Variants in HEATR4 observed in about 807,000 individuals in gnomAD.
HEATR4 encodes the protein HEAT repeat containing 4.
HEATR4 carries 95 observed loss-of-function variants against 108.8 expected under a neutral mutation model. That is an observed-to-expected ratio of 0.87 (90% CI 0.74 to 1.04). The LOEUF is 1.04. Among genes scored for constraint, HEATR4 ranks in the 50% least tolerant of loss-of-function variants. The pLI is 0.00. For missense variants in HEATR4, 1,152 were observed against 1,253.8 expected, an observed-to-expected ratio of 0.92 and a Z score of 1.23; for synonymous variants, 443 against 459.4, an observed-to-expected ratio of 0.96 and a Z score of 0.46.
At chr14:73,619,846 A>C in the HEATR4 span, 8 of 1,581,180 alleles carry the variant, frequency 5.1e-6, no homozygotes, top group African/African-American at 9.5e-5. Flanking sequence ...ATAACATTGT[A>C]GCCACAGACC....
In HEATR4 at chr14:73,522,502, C is replaced by A; in HGVS notation, c.651G>T (p.Trp217Cys). ...LEKLNERTAR[W>C]IQSKRPRRPG... Reference sequence around the variant, plus strand: ...GCCTTCGAGGACGCTTGCTCTGGATCCATCGGGCTGTGCGCTCGTTCAGCT... The same window carrying A: ...GCCTTCGAGGACGCTTGCTCTGGATACATCGGGCTGTGCGCTCGTTCAGCT... The change falls in exon 3 of 18, where the codon TGG becomes TGT. Residue 217 changes from tryptophan to cysteine, a missense_variant. By Grantham distance (215) the Trp-to-Cys change is radical (BLOSUM62 -2). Transcript: ENST00000553558. The A allele has an allele frequency of 5.0e-6, 8 of 1,614,232 alleles. No homozygotes were observed. Among genetic ancestry groups the A allele is most frequent in the Non-Finnish European group, 6.8e-6 (8 of 1,180,032 alleles).
At chr14:73,484,183 TAAA>T (rs1434555844) in intron 17 of HEATR4, among the ~76,000 whole-genome samples, 2 of 151,548 alleles carry the variant, frequency 1.3e-5, no homozygotes, top group Non-Finnish European at 2.9e-5. Context: ...TTTAAGAAGG[TAAA>T]GAGGTGACAT....
chr14:73,520,979 A>G lies in HEATR4; in HGVS notation c.942T>C (p.Thr314=), dbSNP rs1341477935. The change falls in exon 4 of 18, where the codon ACT becomes ACC. Residue 314 remains threonine (T), a synonymous_variant. Coordinates refer to ENST00000553558, the MANE Select transcript of HEATR4 (RefSeq NM_001220484.1). ...TVEIMPGNKS[T]EDIHEKTSLS... ...GGCTCGTCTTTTCATGGATATCCTC[A>G]GTGCTCTTGTTGCCAGGCATGATCT... 6.2e-7 allele frequency: 1 copy of G among 1,613,656 alleles called. No individual in the cohort carries two copies. The highest frequency in any genetic ancestry group is 2.2e-5 in the East Asian group (1 of 44,838).
intron 16 of HEATR4, 46 bp from the exon 17 acceptor site, chr14:73,493,170 C>A: frequency 6.6e-7 from 1 of 1,526,546 alleles, no homozygotes; most frequent in South Asian, 1.1e-5. Flanking sequence ...AAAAAAAACC[C>A]TTGATCCGTG....
chr14:73,505,931 C>CCCAGGCTA (rs1460775942), intron 10 of HEATR4, among the ~76,000 whole-genome samples: 1 of 143,504 alleles, frequency 7.0e-6, no homozygotes, highest in African/African-American at 2.6e-5. Flanking sequence ...CCCTCTGTCA[C>CCCAGGCTA]CCAGGCTAGA....
chr14:73,502,906 G>T lies in HEATR4; in HGVS notation c.2094C>A (p.His698Gln), dbSNP rs11626122. 1.2e-6 allele frequency: 2 copies of T among 1,611,134 alleles called. No individual in the cohort carries two copies. Among genetic ancestry groups the T allele is most frequent in the African/African-American group, 1.3e-5 (1 of 74,744 alleles). The change falls in exon 11 of 18, where the codon CAC becomes CAA. Residue 698 changes from histidine (H) to glutamine (Q), a missense_variant. By Grantham distance (24) the His-to-Gln change is conservative. Coordinates refer to ENST00000553558, the MANE Select transcript of HEATR4 (RefSeq NM_001220484.1). ...LGQMSLGKEV[H>Q]DIIRVKLGQG... ...TGACTGGGTCTTACCTGATTATGTC[G>T]TGCACCTCTTTCCCGAGGCTCATTT... is the stretch of plus-strand genomic sequence containing the variant.
At position 73,478,806 on chromosome 14, in the gene HEATR4, T is replaced by C. The variant is rs756229010; in HGVS notation, c.2881A>G (p.Ser961Gly). 1.4e-5 allele frequency: 23 copies of C among 1,610,350 alleles called. No individual in the cohort carries two copies. Among genetic ancestry groups the C allele is most frequent in the Non-Finnish European group, 1.9e-5 (22 of 1,178,210 alleles). Residue 961 changes from serine (S) to glycine (G), a missense_variant, in exon 18 of 18, where the codon AGT becomes GGT. By Grantham distance (56) the Ser-to-Gly change is moderately conservative. Transcript: ENST00000553558. ...CGTGTGGTTAGGCCTGGGACTGAACTTTGTAACCAGGGATTTGGTGCGCGG... is the reference window on the plus strand; with the variant it reads ...CGTGTGGTTAGGCCTGGGACTGAACCTTGTAACCAGGGATTTGGTGCGCGG... The part of the protein sequence containing the change: ...KPRAPNPWLQ[S>G]SVPGLTTRSK...
In HEATR4 at chr14:73,532,860, C is replaced by T. The variant is rs1431749743; in HGVS notation, c.-151-2616G>A. On this transcript the variant is annotated intron_variant, in intron 1 of 17. Transcript: ENST00000553558. ...AGTCCCAGCTACTTGGAGGCTGAGG[C>T]AGGAGAATGGCGTGAACCCAGGTGG... 7.1e-5 allele frequency among the ~76,000 whole-genome samples: 8 copies of T among 113,278 alleles called. 3 individuals are homozygous for T. The East Asian group carries it at 5.5e-3, about 77-fold the overall frequency. 74.3% of individuals were successfully genotyped at this position (113,278 alleles called of 152,430 possible).
At chr14:73,569,892 C>T in the HEATR4 span, 2 of 1,601,048 alleles carry the variant, frequency 1.2e-6, no homozygotes, top group Non-Finnish European at 1.7e-6. Flanking sequence ...AGGTGACTCA[C>T]CTCCGCTAAT....
rs757855044 is a variant in HEATR4, at chr14:73,495,299, C to T, written c.2714G>A (p.Arg905His). Reference sequence around the variant, plus strand: ...TTCTCCTTTGGGTTTCAAGTAAACACGTTTTGCTTCCTCCCTCACTTTTCC... The same window carrying T: ...TTCTCCTTTGGGTTTCAAGTAAACATGTTTTGCTTCCTCCCTCACTTTTCC... ...VMGKVREEAKRVYLKPKGEQG... is the reference protein window; with the variant it reads ...VMGKVREEAKHVYLKPKGEQG... The change falls in exon 16 of 18, where the codon CGT becomes CAT. Residue 905 changes from arginine (R) to histidine (H), a missense_variant. Physicochemically the swap from Arg to His is conservative, Grantham distance 29. Coordinates refer to ENST00000553558, the MANE Select transcript of HEATR4 (RefSeq NM_001220484.1). 1.5e-5 allele frequency: 25 copies of T among 1,613,750 alleles called. No homozygotes were observed. The highest frequency in any genetic ancestry group is 1.6e-4 in the Middle Eastern group (1 of 6,084).
chr14:73,576,646 A>G, the HEATR4 span, among the ~76,000 whole-genome samples: 1 of 151,532 alleles, frequency 6.6e-6, no homozygotes, highest in Non-Finnish European at 1.5e-5. Flanking sequence ...CTACAAAAAA[A>G]TAGCCAGACA....
chr14:73,598,960 C>T, the HEATR4 span, among the ~76,000 whole-genome samples: 13 of 151,704 alleles, frequency 8.6e-5, no homozygotes, highest in Non-Finnish European at 1.8e-4. Flanking sequence ...GTCAAGATCA[C>T]ACCACTGCAC....
intron 10 of HEATR4, among the ~76,000 whole-genome samples, chr14:73,503,518 C>T (rs1191897103): frequency 6.6e-6 from 1 of 152,172 alleles, no homozygotes; most frequent in African/African-American, 2.4e-5. Context: ...TAAATGTGCC[C>T]ACGCTGTTCT....
In HEATR4 at chr14:73,492,006, C is replaced by A; in HGVS notation, c.2844+1060G>T. Reference sequence around the variant, plus strand: ...ATGGCAGGCTCCAACGTTTACCTCACGCCCCCTAACTCGCAGGGCTTTGCC... The same window carrying A: ...ATGGCAGGCTCCAACGTTTACCTCAAGCCCCCTAACTCGCAGGGCTTTGCC... On this transcript the variant is annotated intron_variant, in intron 17 of 17. Transcript: ENST00000553558. This position sits in a 1 kb window ranked among gnomAD's most constrained non-coding sequence, Gnocchi z 4.9. 6.2e-7 allele frequency: 1 copy of A among 1,613,992 alleles called. No individual in the cohort carries two copies. Among genetic ancestry groups the A allele is most frequent in the Non-Finnish European group, 8.5e-7 (1 of 1,179,902 alleles).
At chr14:73,601,563 CAAAA>C in the HEATR4 span, among the ~76,000 whole-genome samples, 1 of 152,090 alleles carries the variant, frequency 6.6e-6, no homozygotes, top group Admixed American at 6.6e-5. Context: ...GACTCTGTCT[CAAAA>C]AAGAACTACT....
chr14:73,573,430 G>C, the HEATR4 span: 2 of 1,613,620 alleles, frequency 1.2e-6, no homozygotes, highest in Non-Finnish European at 1.7e-6. Flanking sequence ...TTCGGAACTG[G>C]AGGTGGCCTG....
the HEATR4 span, chr14:73,616,920 G>A: frequency 1.6e-5 from 9 of 572,364 alleles, no homozygotes. Context: ...AATCTCCTTG[G>A]CTTCAAAAAC....
rs746016844 is a variant in HEATR4, at chr14:73,498,246, G to A, written c.2455C>T (p.Arg819Cys). 2.0e-5 allele frequency: 32 copies of A among 1,613,984 alleles called. No individual in the cohort carries two copies. The highest frequency in any genetic ancestry group is 1.2e-4 in the Admixed American group (7 of 59,986). ...TGAAGTTTCAGGGCTAGGATGCTAC[G>A]GCAAGCTTCCAGCCGTACACCTGGT... ...ESPGVRLEAC[R>C]SILALKLQGD... Residue 819 changes from arginine (R) to cysteine (C), a missense_variant, in exon 14 of 18, where the codon CGT becomes TGT. By Grantham distance (180) the Arg-to-Cys change is radical. Transcript: ENST00000553558.
At chr14:73,576,144 G>C in the HEATR4 span, among the ~76,000 whole-genome samples, 1 of 151,858 alleles carries the variant, frequency 6.6e-6, no homozygotes, top group East Asian at 1.9e-4. Context: ...CCTCCAGCCT[G>C]GGCAACAGCA....
Sources: allele counts gnomAD v4.1 joint callset (sites outside exome capture counted in the v4.1 genomes callset), GRCh38; gene constraint gnomAD v4.1.1; non-coding constraint Gnocchi (gnomAD v3.1); transcripts MANE v1.5; gene names NCBI Gene and HGNC (gene_info 2026-07-23, HGNC 2026-07-21).